Variants in INTS3 observed in about 807,000 individuals in gnomAD.
The protein encoded by INTS3 is integrator complex subunit 3.
INTS3 carries 34 observed loss-of-function variants against 146.3 expected under a neutral mutation model. That is an observed-to-expected ratio of 0.23 (90% confidence interval 0.18 to 0.31). The LOEUF is 0.31. Among genes scored for constraint, INTS3 ranks in the 10% least tolerant of loss-of-function variants. The pLI, the probability that INTS3 is intolerant of heterozygous loss-of-function variation, is 1.00. For missense variants in INTS3, 757 were observed against 1,304.2 expected, an observed-to-expected ratio of 0.58 and a Z score of 6.46; for synonymous variants, 475 against 494.9, an observed-to-expected ratio of 0.96 and a Z score of 0.53.
At chr1:153,733,847 C>A (rs985547864) in intron 1 of INTS3, among the ~76,000 whole-genome samples, 6 of 152,118 alleles carry the variant, frequency 3.9e-5, no homozygotes, top group African/African-American at 1.4e-4. Context: ...TCGTGATTCG[C>A]CCCCCTCAGC....
rs910707494 is a variant in INTS3, at chr1:153,773,718, G to C, written c.*448G>C. On this transcript the variant is annotated 3_prime_UTR_variant, in exon 30 of 30. Coordinates refer to ENST00000318967, the MANE Select transcript of INTS3 (RefSeq NM_023015.5). ...CCTTCCTGCTTCCCCTTCAGGTCTT[G>C]GTTTGTTCTGAAGGGACGTTTTATA... is the stretch of plus-strand genomic sequence containing the variant. The C allele has an allele frequency of 4.9e-6, 1 of 205,686 alleles. No homozygotes were observed. Among genetic ancestry groups the C allele is most frequent in the African/African-American group, 2.3e-5 (1 of 43,112 alleles). 12.7% of individuals were successfully genotyped at this position (205,686 alleles called of 1,614,324 possible).
At chr1:153,736,761 C>A (rs1452004699) in intron 1 of INTS3, among the ~76,000 whole-genome samples, 3 of 94,062 alleles carry the variant, frequency 3.2e-5, no homozygotes, top group Non-Finnish European at 5.9e-5. Context: ...GTCTTTCATT[C>A]TTTTTTTTTT....
At position 153,757,863 on chromosome 1, in the gene INTS3, G is replaced by T; in HGVS notation, c.1149+100G>T. The T allele has an allele frequency of 2.1e-6, 2 of 932,704 alleles. No homozygotes were observed. Among genetic ancestry groups the T allele is most frequent in the South Asian group, 3.1e-5 (2 of 64,362 alleles). 57.8% of individuals were successfully genotyped at this position (932,704 alleles called of 1,614,324 possible). Reference sequence around the variant, plus strand: ...CTCCAGGGCCACTTGACCCCTAAGGGCCCTTCTTTCACTCTGGTCTTCCAG... The same window carrying T: ...CTCCAGGGCCACTTGACCCCTAAGGTCCCTTCTTTCACTCTGGTCTTCCAG... On this transcript the variant is annotated intron_variant, in intron 10 of 29. Coordinates refer to ENST00000318967, the MANE Select transcript of INTS3 (RefSeq NM_023015.5). This position sits in a 1 kb window ranked among gnomAD's most constrained non-coding sequence, Gnocchi z 4.0.
chr1:153,728,554 C>T lies in INTS3; in HGVS notation c.-81C>T. 1.3e-6 allele frequency: 2 copies of T among 1,490,612 alleles called. No homozygotes were observed. The highest frequency in any genetic ancestry group is 1.8e-6 in the Non-Finnish European group (2 of 1,119,362). The allele number at this position is 1,490,612 out of a possible 1,614,324, so 92.3% of individuals were successfully genotyped here. A position where few individuals can be genotyped will look rare whatever the true frequency, so the allele number is the denominator to read the frequency against. ...CAACTTGTTCCTCTTGCCCCCCAGT[C>T]CCTGGCAATCCAGAGATCCCGATAT... On this transcript the variant is annotated 5_prime_UTR_variant, in exon 1 of 30. Coordinates refer to ENST00000318967, the MANE Select transcript of INTS3 (RefSeq NM_023015.5).
chr1:153,752,519 AT>A, intron 8 of INTS3, 111 bp downstream of exon 8: 1 of 1,143,658 alleles, frequency 8.7e-7, no homozygotes, highest in Non-Finnish European at 1.2e-6. Flanking sequence ...TGGTGGTCAG[AT>A]TTAGGAAGCC....
At chr1:153,748,281 AGT>A (rs1200025690) in intron 5 of INTS3, 1 of 193,588 alleles carries the variant, frequency 5.2e-6, no homozygotes, top group Admixed American at 5.4e-5. Context: ...TGGGGGCCTC[AGT>A]GCAGGACTCA....
chr1:153,766,218 T>G (rs1223094696), intron 20 of INTS3, among the ~76,000 whole-genome samples: 2 of 148,836 alleles, frequency 1.3e-5, no homozygotes, highest in Admixed American at 6.8e-5. Context: ...GCTTCCCAGG[T>G]TCAAGCGATT....
rs540909244 is a variant in INTS3 at position 153,734,953 on chromosome 1, C to T, written c.151-5698C>T. Among the ~76,000 whole-genome samples the T allele has an allele frequency of 1.1e-3, 173 of 152,096 alleles. 1 individual carries two copies. The highest frequency in any genetic ancestry group is 2.1e-3 in the Non-Finnish European group (141 of 67,978). On this transcript the variant is annotated intron_variant, in intron 1 of 29. Coordinates refer to ENST00000318967, the MANE Select transcript of INTS3 (RefSeq NM_023015.5). ...TTAGTTGTGCAATTGCTGAGCTTCC[C>T]GCAAATTGAATAGTTTTTGTTTTGT... is the stretch of plus-strand genomic sequence containing the variant.
rs879510236 is a variant in INTS3 at position 153,728,063 on chromosome 1, C to A, written c.-572C>A. On this transcript the variant is annotated 5_prime_UTR_variant, in exon 1 of 30. Transcript: ENST00000318967. Reference sequence around the variant, plus strand: ...CCCCCGCCCTCCGCCTTCCCACCCCCCGCCCTTCCACTATGGCCGCTTCTG... The same window carrying A: ...CCCCCGCCCTCCGCCTTCCCACCCCACGCCCTTCCACTATGGCCGCTTCTG... 2 of 190,558 alleles carry A rather than the reference C, an allele frequency of 1.0e-5. No individual in the cohort carries two copies. The highest frequency in any genetic ancestry group is 1.1e-4 in the East Asian group (1 of 9,054). The allele number at this position is 190,558 out of a possible 1,614,324, so 11.8% of individuals were successfully genotyped here. A position where few individuals can be genotyped will look rare whatever the true frequency, so the allele number is the denominator to read the frequency against.
chr1:153,728,610 CT>C lies in INTS3; in HGVS notation c.-21del. 1 of 1,593,452 alleles carries C rather than the reference CT, an allele frequency of 6.3e-7. No homozygotes were observed. The highest frequency in any genetic ancestry group is 8.5e-7 in the Non-Finnish European group (1 of 1,172,846). On this transcript the variant is annotated 5_prime_UTR_variant, in exon 1 of 30. Coordinates refer to ENST00000318967, the MANE Select transcript of INTS3 (RefSeq NM_023015.5). ...ACTGTCCATCCATCCACTCCCTGACCTTTTCCCGGCTCCTGGCTGCAGCCAT... is the reference window on the plus strand; with the variant it reads ...ACTGTCCATCCATCCACTCCCTGACCTTTCCCGGCTCCTGGCTGCAGCCAT...
rs113705026 is a variant in INTS3 at position 153,753,471 on chromosome 1, C to G, written c.859+1063C>G. 3.6e-3 allele frequency among the ~76,000 whole-genome samples: 545 copies of G among 151,330 alleles called. 1 individual carries two copies. Among genetic ancestry groups the G allele is most frequent in the Middle Eastern group, 0.024 (7 of 292 alleles). On this transcript the variant is annotated intron_variant, in intron 8 of 29. Transcript: ENST00000318967. ...ACTCGGGAGGCTGAGGCAAGAGAAT[C>G]GCTTGAACCCAGGAGGTGGAGTTTG...
At chr1:153,743,102 C>T (rs780528906) in intron 3 of INTS3, among the ~76,000 whole-genome samples, 1 of 152,196 alleles carries the variant, frequency 6.6e-6, no homozygotes, top group Non-Finnish European at 1.5e-5. Flanking sequence ...GAATTAGTGA[C>T]GTATCTCCCT....
At chr1:153,764,581 G>C (rs370723199) in intron 18 of INTS3, 109 bp from the exon 19 acceptor site, 5 of 847,292 alleles carry the variant, frequency 5.9e-6, no homozygotes, top group East Asian at 2.4e-5. Context: ...CAGGAAGTTT[G>C]CCTTTTGGGT....
intron 1 of INTS3, among the ~76,000 whole-genome samples, chr1:153,732,111 C>T (rs1384632563): frequency 2.0e-5 from 3 of 151,832 alleles, no homozygotes; most frequent in Admixed American, 6.6e-5. Flanking sequence ...CCATGTTGGC[C>T]AGGCTGGTCT....
rs369691929 is a variant in INTS3, at chr1:153,773,313, C to T, written c.*43C>T. 3.1e-5 allele frequency: 48 copies of T among 1,548,848 alleles called. No homozygotes were observed. The highest frequency in any genetic ancestry group is 3.4e-4 in the Middle Eastern group (2 of 5,954). ...CCCACCCCCGGCTGGACTGCCCTCT[C>T]CTTCTTGGTGATTCAAAGGTTAATA... On this transcript the variant is annotated 3_prime_UTR_variant, in exon 30 of 30. Coordinates refer to ENST00000318967, the MANE Select transcript of INTS3 (RefSeq NM_023015.5).
At chr1:153,742,478 CTGTGTGTG>C (rs35008806) in intron 3 of INTS3, among the ~76,000 whole-genome samples, 5 of 147,434 alleles carry the variant, frequency 3.4e-5, no homozygotes, top group Non-Finnish European at 4.5e-5. Flanking sequence ...TTTTTAATCT[CTGTGTGTG>C]TGTGTGTGTG....
In INTS3 at chr1:153,762,801, T is replaced by G; in HGVS notation, c.1590T>G (p.Asn530Lys). The part of the protein sequence containing the change: ...MSDKDESCYD[N>K]AEAAFSDDEE... ...ATAAGGATGAGAGTTGCTATGACAA[T>G]GCAGAGGCAGCCTTCAGTGACGATG... Residue 530 changes from asparagine to lysine, a missense_variant, in exon 15 of 30, where the codon AAT (asparagine) becomes AAG (lysine). Physicochemically the swap from Asn to Lys is moderately conservative, Grantham distance 94. Transcript: ENST00000318967. The G allele has an allele frequency of 6.2e-7, 1 of 1,614,148 alleles. No individual in the cohort carries two copies. Among genetic ancestry groups the G allele is most frequent in the African/African-American group, 1.3e-5 (1 of 75,034 alleles).
chr1:153,773,052 G>A lies in INTS3; in HGVS notation c.3022G>A (p.Glu1008Lys), dbSNP rs759263034. 1.9e-6 allele frequency: 3 copies of A among 1,614,040 alleles called. No homozygotes were observed. The highest frequency in any genetic ancestry group is 1.7e-5 in the Admixed American group (1 of 59,990). Reference protein sequence around the residue: ...RKNATQPPNAEEESGSSSASE... With the variant: ...RKNATQPPNAKEESGSSSASE... ...GAATGCCACACAGCCCCCCAATGCC[G>A]AAGAAGAGTCGGGCTCCAGCAGTGC... Residue 1008 changes from glutamate (E) to lysine (K), a missense_variant, in exon 29 of 30, where the codon GAA becomes AAA. Coordinates refer to ENST00000318967, the MANE Select transcript of INTS3 (RefSeq NM_023015.5).
intron 1 of INTS3, among the ~76,000 whole-genome samples, chr1:153,739,316 C>T (rs1057198053): frequency 4.6e-5 from 7 of 152,128 alleles, no homozygotes; most frequent in African/African-American, 1.2e-4. Context: ...CCACCCGCCT[C>T]GGCCTCCCAA....
Sources: allele counts gnomAD v4.1 joint callset (sites outside exome capture counted in the v4.1 genomes callset), GRCh38; gene constraint gnomAD v4.1.1; non-coding constraint Gnocchi (gnomAD v3.1); transcripts MANE v1.5; gene names NCBI Gene and HGNC (gene_info 2026-07-23, HGNC 2026-07-21).